The following NAALADL1 variants were observed in gnomAD, a reference collection of about 807,000 sequenced individuals.
NAALADL1 encodes the protein N-acetylated alpha-linked acidic dipeptidase like 1.
Under a neutral mutation model 82.8 loss-of-function variants are expected in NAALADL1, and 77 were observed. The observed-to-expected ratio is 0.93, with a 90% CI of 0.77 to 1.12. The LOEUF (loss-of-function observed/expected upper bound fraction) is 1.12, where lower values mean the gene tolerates loss of function less well. Among genes scored for constraint, NAALADL1 ranks in the 50% most tolerant of loss-of-function variants. The pLI is 0.00. For missense variants in NAALADL1, 956 were observed against 964.0 expected (o/e 0.99, Z 0.11); for synonymous variants, 358 against 399.2 (o/e 0.90, Z 1.23).
chr11:65,048,724 A>T (rs2136986623), intron 8 of NAALADL1, among the ~76,000 whole-genome samples: 1 of 152,266 alleles, frequency 6.6e-6, no homozygotes, highest in Admixed American at 6.5e-5. Flanking sequence ...ATAACACAGG[A>T]ACATTTCCTG....
intron 11 of NAALADL1, 108 bp from the exon 12 acceptor site, chr11:65,047,846 C>CT: frequency 6.8e-7 from 1 of 1,470,492 alleles, no homozygotes; most frequent in Non-Finnish European, 9.2e-7. Context: ...CCTTACGAGG[C>CT]TTGCCCCAGC....
chr11:65,052,904 G>T (rs533752394), intron 8 of NAALADL1, among the ~76,000 whole-genome samples: 1 of 152,208 alleles, frequency 6.6e-6, no homozygotes, highest in East Asian at 1.9e-4. Context: ...GTTAACAATC[G>T]GCTGCCGTCC....
chr11:65,046,200 C>A lies in NAALADL1; in HGVS notation c.1844G>T (p.Ser615Ile). The A allele has an allele frequency of 6.2e-7, 1 of 1,614,140 alleles. No individual in the cohort carries two copies. Among genetic ancestry groups the A allele is most frequent in the Non-Finnish European group, 8.5e-7 (1 of 1,180,032 alleles). ...AGGGCTGTGCATACCCAGGCTGATGCTGTGCTGCTCCAGCAGGGCCCCAAG... is the reference window on the plus strand; with the variant it reads ...AGGGCTGTGCATACCCAGGCTGATGATGTGCTGCTCCAGCAGGGCCCCAAG... Reference protein sequence around the residue: ...QDLGALLEQHSISLGPLVTAV... With the variant: ...QDLGALLEQHIISLGPLVTAV... Residue 615 changes from serine (S) to isoleucine (I), a missense_variant, in exon 15 of 18, where the codon AGC (serine) becomes ATC (isoleucine). By Grantham distance (142) the Ser-to-Ile change is moderately radical. Coordinates refer to ENST00000358658, the MANE Select transcript of NAALADL1 (RefSeq NM_005468.3).
intron 4 of NAALADL1, 87 bp downstream of exon 4, chr11:65,057,284 T>C: frequency 1.3e-6 from 2 of 1,498,926 alleles, no homozygotes; most frequent in Non-Finnish European, 1.8e-6. Flanking sequence ...CACTGCCTCT[T>C]CTCCTTCCCC....
Position 65,053,299 on chromosome 11 carries a change from C to T in NAALADL1, c.1117G>A (p.Val373Met). The change falls in exon 8 of 18, where the codon GTG becomes ATG. Residue 373 changes from valine to methionine, a missense_variant. Coordinates refer to ENST00000358658, the MANE Select transcript of NAALADL1 (RefSeq NM_005468.3). This position sits in a 1 kb window ranked among gnomAD's most constrained non-coding sequence, Gnocchi z 4.3. ...CTGCTGGGGTCCACAGCCCCGTGCA[C>T]CCAGCTGTCTCGGTGGTTCCCATAC... ...VLYGNHRDSW[V>M]HGAVDPSSGT... 6.4e-7 allele frequency: 1 copy of T among 1,561,186 alleles called. No homozygotes were observed. Among genetic ancestry groups the T allele is most frequent in the African/African-American group, 1.4e-5 (1 of 73,754 alleles).
At position 65,054,604 on chromosome 11, in the gene NAALADL1, T is replaced by G; in HGVS notation, c.738A>C (p.Arg246=). The change falls in exon 5 of 18, where the codon CGA becomes CGC. Residue 246 remains arginine, a synonymous_variant. Transcript: ENST00000358658. The surrounding 1 kb of genome is among the most constrained non-coding windows in gnomAD (Gnocchi z 4.3). ...SWYLPPSGVE[R]GSYYEYFGDP... ...CCCCAAAATACTCGTAGTAGGAGCC[T>G]CGCTCCACTCCTGAGGGGGGCAGGT... 1 of 1,613,816 alleles carries G rather than the reference T, an allele frequency of 6.2e-7. No individual in the cohort carries two copies. The highest frequency in any genetic ancestry group is 8.5e-7 in the Non-Finnish European group (1 of 1,179,858).
chr11:65,057,424 G>A lies in NAALADL1; in HGVS notation c.550C>T (p.Leu184Phe), dbSNP rs780553074. 1 of 1,614,080 alleles carries A rather than the reference G, an allele frequency of 6.2e-7. No individual in the cohort carries two copies. Among genetic ancestry groups the A allele is most frequent in the Non-Finnish European group, 8.5e-7 (1 of 1,180,046 alleles). ...CGAGTCAGGGCAATGGTGCCTTCAA[G>A]TTTGATGCCCTGAGTCTGTAGCTCC... Reference protein sequence around the residue: ...FKELQTQGIKLEGTIALTRYG... With the variant: ...FKELQTQGIKFEGTIALTRYG... The change falls in exon 4 of 18, where the codon CTT (leucine) becomes TTT (phenylalanine). Residue 184 changes from leucine (L) to phenylalanine (F), a missense_variant. By Grantham distance (22) the Leu-to-Phe change is conservative. Transcript: ENST00000358658.
upstream of NAALADL1, among the ~76,000 whole-genome samples, chr11:65,061,140 CT>C (rs1947181683): frequency 6.6e-6 from 1 of 152,192 alleles, no homozygotes; most frequent in Admixed American, 6.5e-5. Context: ...ACCCTTGCCC[CT>C]GGATGTGCCT....
Position 65,047,497 on chromosome 11 carries a change from TC to T in NAALADL1, c.1576del (p.Asp526ThrfsTer50). On this transcript the variant is annotated frameshift_variant, in exon 13 of 18. Transcript: ENST00000358658. LOFTEE classifies it high-confidence loss of function. Reference protein sequence around the residue: ...FVHFLGISSMDIAYTYDRSKT... With the variant: ...FVHFLGISSMXIAYTYDRSKT... Reference sequence around the variant, plus strand: ...CACCCGGTCATAGGTATAGGCAATGTCCATGGAGGAGATGCCCAGGAAGTGA... The same window carrying T: ...CACCCGGTCATAGGTATAGGCAATGTCATGGAGGAGATGCCCAGGAAGTGA... 1 of 1,567,142 alleles carries T rather than the reference TC, an allele frequency of 6.4e-7. No individual in the cohort carries two copies. Among genetic ancestry groups the T allele is most frequent in the South Asian group, 1.2e-5 (1 of 85,056 alleles).
rs1946796354 is a variant in NAALADL1 at position 65,048,328 on chromosome 11, C to A, written c.1256G>T (p.Gly419Val). ...TGTGAATTCCGTGGAGCCAATGAGC[C>A]CAAACTCCTCAGCCCCCCAGCTCGC... ...VFASWGAEEF[G>V]LIGSTEFTEE... is the part of the protein sequence containing the mutation. The change falls in exon 9 of 18, where the codon GGG becomes GTG. Residue 419 changes from glycine (G) to valine (V), a missense_variant. Gly to Val is a moderately radical substitution (Grantham distance 109). Transcript: ENST00000358658. The A allele has an allele frequency of 6.2e-7, 1 of 1,614,168 alleles. No individual in the cohort carries two copies. The highest frequency in any genetic ancestry group is 8.5e-7 in the Non-Finnish European group (1 of 1,180,020).
rs1946780931 is a variant in NAALADL1, at chr11:65,047,969, GC to G, written c.1416+11del. ...CAGCTAGTTCAGCCCCGCCCGGCCT[GC>G]CCCCTTCCACCTCTTTGGTTGCAGA... is the stretch of plus-strand genomic sequence containing the variant. On this transcript the variant is annotated intron_variant, in intron 11 of 17. Transcript: ENST00000358658. The G allele has an allele frequency of 3.9e-6, 6 of 1,538,692 alleles. No individual in the cohort carries two copies. In the South Asian group the frequency reaches 7.5e-5, roughly 19 times the overall value.
Position 65,053,555 on chromosome 11 carries a change from G to T in NAALADL1, c.1014C>A (p.Tyr338Ter), listed in dbSNP as rs1330898096. 1 of 1,607,378 alleles carries T rather than the reference G, an allele frequency of 6.2e-7. No homozygotes were observed. The highest frequency in any genetic ancestry group is 8.5e-7 in the Non-Finnish European group (1 of 1,175,984). The change falls in exon 7 of 18, where the codon TAC (tyrosine) becomes TAA (stop). Residue 338 changes from tyrosine to a stop codon, truncating the protein, a stop_gained. Transcript: ENST00000358658. LOFTEE classifies it high-confidence loss of function. The surrounding 1 kb of genome is among the most constrained non-coding windows in gnomAD (Gnocchi z 4.3). ...PADSQVNVSV[Y>*]NRLELRNSSN... ...AAGAGTTCCTCAGCTCCAGGCGGTT[G>T]TAGACGCTCACATTCACCTGGCTGG...
At position 65,053,172 on chromosome 11, in the gene NAALADL1, C is replaced by A; in HGVS notation, c.1198+46G>T. On this transcript the variant is annotated intron_variant, in intron 8 of 17. Transcript: ENST00000358658. This position sits in a 1 kb window ranked among gnomAD's most constrained non-coding sequence, Gnocchi z 4.3. The stretch of plus-strand genomic sequence containing the variant: ...GAGAGGAGGTGGAACAGGAAGGGGA[C>A]CTCCGGGGGCGAAGGTCCCTGGTCC... 1 of 1,494,534 alleles carries A rather than the reference C, an allele frequency of 6.7e-7. No homozygotes were observed. The highest frequency in any genetic ancestry group is 8.9e-7 in the Non-Finnish European group (1 of 1,120,406). 92.6% of individuals were successfully genotyped at this position (1,494,534 alleles called of 1,614,324 possible).
In NAALADL1 at chr11:65,045,863, G is replaced by A. The variant is rs1366358606; in HGVS notation, c.1995C>T (p.Thr665=). ...LNDQLMLLER[T]FLNPRAFPEE... ...CTGGGAAGGCTCTAGGGTTCAGAAA[G>A]GTCCGTTCCAAGAGCATCAACTGGT... The change falls in exon 17 of 18, where the codon ACC becomes ACT. Residue 665 remains threonine, a synonymous_variant. Coordinates refer to ENST00000358658, the MANE Select transcript of NAALADL1 (RefSeq NM_005468.3). The A allele has an allele frequency of 1.2e-6, 2 of 1,614,136 alleles. No individual in the cohort carries two copies. Among genetic ancestry groups the A allele is most frequent in the Admixed American group, 3.3e-5 (2 of 60,028 alleles).
At chr11:65,057,804 T>C in intron 3 of NAALADL1, 71 bp downstream of exon 3, 1 of 1,594,540 alleles carries the variant, frequency 6.3e-7, no homozygotes, top group East Asian at 2.3e-5. Context: ...GTTCCCTGGG[T>C]CAGGGTGGGG....
Position 65,047,550 on chromosome 11 carries a change from AC to A in NAALADL1, c.1523del (p.Gly508ValfsTer68). 1 of 1,571,246 alleles carries A rather than the reference AC, an allele frequency of 6.4e-7. No individual in the cohort carries two copies. ...CGAAGGGTGCATAGTCGCTGCCAGC[AC>A]CCAGAGAACCCAAGCTGCGGGAAGG... Reference protein sequence around the residue: ...YGLVPSLGSLGAGSDYAPFVH... With the variant: ...YGLVPSLGSLXAGSDYAPFVH... On this transcript the variant is annotated frameshift_variant, in exon 13 of 18. Transcript: ENST00000358658. LOFTEE classifies it high-confidence loss of function.
chr11:65,058,455 G>A lies in NAALADL1; in HGVS notation c.67C>T (p.Leu23Phe). The change falls in exon 1 of 18, where the codon CTC (leucine) becomes TTC (phenylalanine). Residue 23 changes from leucine (L) to phenylalanine (F), a missense_variant. Physicochemically the swap from Leu to Phe is conservative, Grantham distance 22. Coordinates refer to ENST00000358658, the MANE Select transcript of NAALADL1 (RefSeq NM_005468.3). The part of the protein sequence containing the change: ...AAALLGLGII[L>F]GHFAIPKKAN... Reference sequence around the variant, plus strand: ...TTTTTGGGGATGGCAAAGTGGCCGAGGATGATCCCCAGCCCCAAGAGGGCA... The same window carrying A: ...TTTTTGGGGATGGCAAAGTGGCCGAAGATGATCCCCAGCCCCAAGAGGGCA... 1 of 1,613,884 alleles carries A rather than the reference G, an allele frequency of 6.2e-7. No individual in the cohort carries two copies. The highest frequency in any genetic ancestry group is 8.5e-7 in the Non-Finnish European group (1 of 1,179,898).
At chr11:65,048,766 A>G (rs1021858026) in intron 8 of NAALADL1, among the ~76,000 whole-genome samples, 1 of 152,190 alleles carries the variant, frequency 6.6e-6, no homozygotes, top group Non-Finnish European at 1.5e-5. Context: ...ACCAATCCCT[A>G]CAACAATGCC....
At chr11:65,060,123 C>CGTGT (rs139317710), upstream of NAALADL1, among the ~76,000 whole-genome samples, 55 of 147,472 alleles carry the variant, frequency 3.7e-4, 1 homozygote, top group African/African-American at 9.4e-4. Context: ...CAGGGCAGAG[C>CGTGT]GTGTGTGTGT....
Sources: gnomAD v4.1 joint callset for allele counts (sites outside exome capture counted in the v4.1 genomes callset) on GRCh38, gnomAD v4.1.1 for gene constraint, Gnocchi (gnomAD v3.1) non-coding constraint, MANE v1.5 for transcripts, NCBI Gene and HGNC (gene_info 2026-07-23, HGNC 2026-07-21) for gene names.